Variants in PTPRB observed in about 807,000 individuals in gnomAD.
PTPRB encodes the protein protein tyrosine phosphatase receptor type B.
Under a neutral mutation model 238.1 loss-of-function variants are expected in PTPRB, and 97 were observed. The observed-to-expected ratio is 0.41, with a 90% CI of 0.35 to 0.48. The LOEUF (loss-of-function observed/expected upper bound fraction) is 0.48. Ranked by LOEUF, PTPRB falls within the 20% of genes least tolerant of loss-of-function variation. The pLI is 0.30. For missense variants in PTPRB, 2,292 were observed against 2,681.9 expected, an observed-to-expected ratio of 0.85 and a Z score of 3.21; for synonymous variants, 970 against 995.4, an observed-to-expected ratio of 0.97 and a Z score of 0.48.
At chr12:70,587,499 G>A (rs1882038065) in intron 8 of PTPRB, among the ~76,000 whole-genome samples, 1 of 152,150 alleles carries the variant, frequency 6.6e-6, no homozygotes, top group Non-Finnish European at 1.5e-5. Flanking sequence ...ATTGATTTTT[G>A]ACTGTATAAT....
chr12:70,540,506 G>C (rs1874896130), intron 23 of PTPRB: 1 of 217,640 alleles, frequency 4.6e-6, no homozygotes, highest in African/African-American at 2.3e-5. Context: ...GGATATTTCA[G>C]AAAAGCACTT....
chr12:70,579,626 G>T lies in PTPRB; in HGVS notation c.2578+1410C>A, dbSNP rs370983410. ...ACAGGAGAATCGCTTGAACCAGGGAGTCGGAGGTTGCAGTGAGCCAAGATC... is the reference window on the plus strand; with the variant it reads ...ACAGGAGAATCGCTTGAACCAGGGATTCGGAGGTTGCAGTGAGCCAAGATC... On this transcript the variant is annotated intron_variant, in intron 10 of 33. Transcript: ENST00000334414. Among the ~76,000 whole-genome samples, 6 of 150,036 alleles carry T rather than the reference G, an allele frequency of 4.0e-5. No individual in the cohort carries two copies. The East Asian group carries it at 9.8e-4, about 24-fold the overall frequency.
Position 70,560,757 on chromosome 12 carries a change from C to T in PTPRB, c.4346G>A (p.Gly1449Asp). The change falls in exon 17 of 34, where the codon GGC becomes GAC. Residue 1449 changes from glycine to aspartate, a missense_variant. Physicochemically the swap from Gly to Asp is moderately conservative, Grantham distance 94. This residue lies in a region of PTPRB where 683 missense variants were observed against 862.0 expected (regional missense o/e 0.79). Transcript: ENST00000334414. The surrounding 1 kb of genome is among the most constrained non-coding windows in gnomAD (Gnocchi z 4.2). ...CACGTACTTCCTTCCAGGAACAAGG[C>T]CTTGAAACCGCCACTCCGTCAGGTC... Reference protein sequence around the residue: ...DKDLTEWRFQGLVPGRKYVLW... With the variant: ...DKDLTEWRFQDLVPGRKYVLW... 4 of 1,613,976 alleles carry T rather than the reference C, an allele frequency of 2.5e-6. No individual in the cohort carries two copies. The highest frequency in any genetic ancestry group is 1.1e-5 in the South Asian group (1 of 91,080).
chr12:70,538,127 G>C, intron 28 of PTPRB, 28 bp downstream of exon 28: 1 of 1,589,962 alleles, frequency 6.3e-7, no homozygotes, highest in South Asian at 1.1e-5. Context: ...GCCTCATCCT[G>C]AACACTATGG....
chr12:70,561,220 G>C (rs1053474615), intron 16 of PTPRB, among the ~76,000 whole-genome samples: 1 of 152,108 alleles, frequency 6.6e-6, no homozygotes, highest in Non-Finnish European at 1.5e-5. Context: ...TTGTCATTTA[G>C]CTTATGAAAA....
rs1873845363 is a variant in PTPRB at position 70,534,816 on chromosome 12, C to T, written c.6204+17G>A. 8 of 1,609,424 alleles carry T rather than the reference C, an allele frequency of 5.0e-6. No individual in the cohort carries two copies. In the East Asian group the frequency reaches 1.3e-4, roughly 27 times the overall value. ...ATCTCCCCAAGCTCGGTTGTTAAGT[C>T]AAGCAAGCTAACATACACCGCATAT... On this transcript the variant is annotated intron_variant, in intron 30 of 33. Transcript: ENST00000334414.
Position 70,587,175 on chromosome 12 carries a change from A to C in PTPRB, c.2143T>G (p.Tyr715Asp). Residue 715 changes from tyrosine (Y) to aspartate (D), a missense_variant, in exon 9 of 34, where the codon TAC becomes GAC. Tyr to Asp is a radical substitution (Grantham distance 160, BLOSUM62 -3). This residue lies in a region of PTPRB where 1,205 missense variants were observed against 1,287.8 expected (regional missense o/e 0.94). Coordinates refer to ENST00000334414, the MANE Select transcript of PTPRB (RefSeq NM_001109754.4). ...TCTCTGTCAGCTAGGGAAATGATGT[A>C]TTTCTCCCATTCTGCTACAGGGGTC... Reference protein sequence around the residue: ...WQTPVAEWEKYIISLADRDLL... With the variant: ...WQTPVAEWEKDIISLADRDLL... 6.2e-7 allele frequency: 1 copy of C among 1,613,596 alleles called. No individual in the cohort carries two copies. The highest frequency in any genetic ancestry group is 8.5e-7 in the Non-Finnish European group (1 of 1,179,682).
chr12:70,602,534 A>G (rs1408535234), intron 4 of PTPRB, among the ~76,000 whole-genome samples: 1 of 152,218 alleles, frequency 6.6e-6, no homozygotes, highest in East Asian at 1.9e-4. Context: ...ACATCTAGGC[A>G]TTAAGGCATT....
intron 14 of PTPRB, among the ~76,000 whole-genome samples, chr12:70,567,275 G>C (rs1879423685): frequency 6.6e-6 from 1 of 152,062 alleles, no homozygotes; most frequent in African/African-American, 2.4e-5. Context: ...TATGTCCATG[G>C]TTTGAAGTGT....
At chr12:70,544,803 G>A (rs750672973) in intron 21 of PTPRB, 140 bp from the exon 22 acceptor site, 245 of 519,542 alleles carry the variant, frequency 4.7e-4, no homozygotes, top group Non-Finnish European at 7.5e-4. Context: ...GGATAGACCT[G>A]GGTTCATGCA....
intron 32 of PTPRB, among the ~76,000 whole-genome samples, chr12:70,531,396 A>G (rs771517627): frequency 6.6e-6 from 1 of 152,154 alleles, no homozygotes; most frequent in African/African-American, 2.4e-5. Flanking sequence ...CTTAGAAGGC[A>G]TTGATGCAGA....
chr12:70,524,073 C>T (rs1248668476), intron 33 of PTPRB, among the ~76,000 whole-genome samples: 5 of 151,998 alleles, frequency 3.3e-5, no homozygotes, highest in Non-Finnish European at 7.4e-5. Context: ...GCTGGTATTA[C>T]AGGCATGAGC....
chr12:70,627,789 G>GA (rs1305956445), intron 2 of PTPRB, among the ~76,000 whole-genome samples: 3 of 152,070 alleles, frequency 2.0e-5, no homozygotes, highest in Non-Finnish European at 4.4e-5. Flanking sequence ...GATGCAAGAA[G>GA]AAAAACCCTA....
At chr12:70,566,919 TTC>T (rs1307083679) in intron 14 of PTPRB, among the ~76,000 whole-genome samples, 1 of 152,188 alleles carries the variant, frequency 6.6e-6, no homozygotes, top group Admixed American at 6.5e-5. Context: ...TCTCCATTTT[TTC>T]TCTGATTTTA....
At chr12:70,584,757 A>T (rs1292961572) in intron 9 of PTPRB, among the ~76,000 whole-genome samples, 3 of 152,150 alleles carry the variant, frequency 2.0e-5, no homozygotes, top group Non-Finnish European at 4.4e-5. Flanking sequence ...AGAAATTTGA[A>T]TAACGTTCTC....
intron 21 of PTPRB, among the ~76,000 whole-genome samples, chr12:70,549,697 C>T (rs1396716334): frequency 2.0e-5 from 3 of 152,190 alleles, no homozygotes; most frequent in Non-Finnish European, 4.4e-5. Flanking sequence ...CTGAGTTCAG[C>T]AGCCACCACG....
At position 70,529,307 on chromosome 12, in the gene PTPRB, T is replaced by G. The variant is rs1021993259; in HGVS notation, c.6504+2728A>C. 7.3e-4 allele frequency among the ~76,000 whole-genome samples: 111 copies of G among 152,256 alleles called. 1 individual carries two copies. The highest frequency in any genetic ancestry group is 2.5e-3 in the African/African-American group (102 of 41,554). On this transcript the variant is annotated intron_variant, in intron 32 of 33. Transcript: ENST00000334414. ...GTAGAGTCCCTCCTAGTTGCCAAAA[T>G]GCATTATGAGTTTGGGGCAGGTGTA... is the stretch of plus-strand genomic sequence containing the variant.
At chr12:70,626,480 A>G (rs575980024) in intron 2 of PTPRB, among the ~76,000 whole-genome samples, 56 of 151,478 alleles carry the variant, frequency 3.7e-4, no homozygotes, top group African/African-American at 1.4e-3. Flanking sequence ...GATTCAACCA[A>G]TTGCAGATCA....
At chr12:70,540,736 C>G (rs1874944055) in intron 23 of PTPRB, 122 bp downstream of exon 23, 4 of 726,620 alleles carry the variant, frequency 5.5e-6, no homozygotes, top group Non-Finnish European at 9.0e-6. Flanking sequence ...ATTGAGAAAA[C>G]AGTGACAATT....
Sources: gnomAD v4.1 joint callset for allele counts (sites outside exome capture counted in the v4.1 genomes callset) on GRCh38, gnomAD v4.1.1 for gene constraint, gnomAD v4.1.1 regional missense constraint, Gnocchi (gnomAD v3.1) non-coding constraint, MANE v1.5 for transcripts, NCBI Gene and HGNC (gene_info 2026-07-23, HGNC 2026-07-21) for gene names.